The following ANK1 variants were observed in gnomAD, a reference collection of about 807,000 sequenced individuals.
The protein encoded by ANK1 is ankyrin-1.
Under a neutral mutation model 210.4 loss-of-function variants are expected in ANK1, and 51 were observed. That is an observed-to-expected ratio of 0.24 (90% CI 0.19 to 0.31). The LOEUF is 0.31. Ranked by LOEUF, ANK1 falls within the 10% of genes least tolerant of loss-of-function variation. The pLI is 1.00. For missense variants in ANK1, 2,051 were observed against 2,504.4 expected (o/e 0.82, Z 3.86); for synonymous variants, 967 against 1,025.9 (o/e 0.94, Z 1.10).
chr8:41,746,275 A>C (rs961367284), intron 2 of ANK1, among the ~76,000 whole-genome samples: 2 of 152,148 alleles, frequency 1.3e-5, no homozygotes, highest in Non-Finnish European at 2.9e-5. Context: ...GAATCTAAGG[A>C]ATCAGAAGCC....
At chr8:41,679,390 A>T (rs778529292) in intron 37 of ANK1, among the ~76,000 whole-genome samples, 11 of 151,994 alleles carry the variant, frequency 7.2e-5, no homozygotes, top group Non-Finnish European at 1.6e-4. Context: ...TTGTGAGATG[A>T]GATCCTTCTT....
intron 1 of ANK1, among the ~76,000 whole-genome samples, chr8:41,878,123 C>T (rs1031547236): frequency 6.6e-6 from 1 of 152,224 alleles, no homozygotes; most frequent in Non-Finnish European, 1.5e-5. Context: ...ACCCATTATG[C>T]GACTTACCAA....
At chr8:41,736,554 G>A (rs1377939763) in intron 2 of ANK1, among the ~76,000 whole-genome samples, 1 of 152,214 alleles carries the variant, frequency 6.6e-6, no homozygotes, top group Non-Finnish European at 1.5e-5. Flanking sequence ...GCTGCTGGCC[G>A]CTTACTGCGG....
chr8:41,823,855 A>G (rs548619952), intron 1 of ANK1, among the ~76,000 whole-genome samples: 1 of 152,300 alleles, frequency 6.6e-6, no homozygotes, highest in African/African-American at 2.4e-5. Flanking sequence ...TCCTAACCCA[A>G]TATTATTAAC....
At chr8:41,822,897 T>C (rs1804722428) in intron 1 of ANK1, among the ~76,000 whole-genome samples, 1 of 152,206 alleles carries the variant, frequency 6.6e-6, no homozygotes, top group East Asian at 1.9e-4. Context: ...ATGTCAGCCC[T>C]GTTTTATCCC....
At position 41,797,526 on chromosome 8, in the gene ANK1, C is replaced by T; in HGVS notation, c.13G>A (p.Val5Met). The change falls in exon 1 of 43, where the codon GTG becomes ATG. Residue 5 changes from valine to methionine, a missense_variant. This residue lies in a region of ANK1 where 21 missense variants were observed against 18.7 expected (regional missense o/e 1.12). Transcript: ENST00000289734. This position sits in a 1 kb window ranked among gnomAD's most constrained non-coding sequence, Gnocchi z 4.0. MPYS[V>M]GFREADAATS... Reference sequence around the variant, plus strand: ...CCAGTACTCACTTCGCGGAAGCCCACAGAATAGGGCATGCCGGTCTTTCAG... The same window carrying T: ...CCAGTACTCACTTCGCGGAAGCCCATAGAATAGGGCATGCCGGTCTTTCAG... The T allele has an allele frequency of 6.2e-7, 1 of 1,613,822 alleles. No individual in the cohort carries two copies. The highest frequency in any genetic ancestry group is 2.2e-5 in the East Asian group (1 of 44,862).
rs369508374 is a variant in ANK1 at position 41,665,610 on chromosome 8, G to A, written c.5395-1868C>T. 711 of 276,850 alleles carry A rather than the reference G, an allele frequency of 2.6e-3. 7 individuals are homozygous for A. The highest frequency in any genetic ancestry group is 0.018 in the South Asian group (505 of 27,362). 17.1% of individuals were successfully genotyped at this position (276,850 alleles called of 1,614,324 possible). A position where few individuals can be genotyped will look rare whatever the true frequency, so the allele number is the denominator to read the frequency against. Reference sequence around the variant, plus strand: ...CTGCTACTGCGGTGATCCAAATGCTGTTCCCCGGCATGGTAGGGATGAGAC... The same window carrying A: ...CTGCTACTGCGGTGATCCAAATGCTATTCCCCGGCATGGTAGGGATGAGAC... On this transcript the variant is annotated intron_variant, in intron 39 of 42. Transcript: ENST00000289734.
rs747120612 is a variant in ANK1 at position 41,719,791 on chromosome 8, T to A, written c.977A>T (p.Gln326Leu). The A allele has an allele frequency of 6.2e-7, 1 of 1,614,088 alleles. No homozygotes were observed. Among genetic ancestry groups the A allele is most frequent in the Non-Finnish European group, 8.5e-7 (1 of 1,179,996 alleles). Reference sequence around the variant, plus strand: ...GATGTCGTCTATCTCTGCGTCGTATTGCAACAGGAGCCGGACACAGTCGAG... The same window carrying A: ...GATGTCGTCTATCTCTGCGTCGTATAGCAACAGGAGCCGGACACAGTCGAG... ...DHLDCVRLLL[Q>L]YDAEIDDITL... The change falls in exon 10 of 43, where the codon CAA becomes CTA. Residue 326 changes from glutamine (Q) to leucine (L), a missense_variant. Coordinates refer to ENST00000289734, the MANE Select transcript of ANK1 (RefSeq NM_000037.4).
At chr8:41,700,433 A>G (rs1822445439) in intron 22 of ANK1, 1 of 1,613,736 alleles carries the variant, frequency 6.2e-7, no homozygotes, top group Non-Finnish European at 8.5e-7. Flanking sequence ...TTTCATACCC[A>G]TTATAGTTAT....
At chr8:41,663,977 CT>C (rs1809468125) in intron 39 of ANK1, 5 of 639,018 alleles carry the variant, frequency 7.8e-6, no homozygotes, top group Non-Finnish European at 1.4e-5. Context: ...CAATTGTGCA[CT>C]TGGCCCTCAC....
chr8:41,757,611 C>T (rs1839458130), intron 2 of ANK1, among the ~76,000 whole-genome samples: 2 of 152,230 alleles, frequency 1.3e-5, no homozygotes, highest in Admixed American at 6.5e-5. Context: ...CTAACACAAG[C>T]GGGGCCTCGT....
chr8:41,769,231 G>A (rs2150731240), intron 1 of ANK1, among the ~76,000 whole-genome samples: 1 of 152,356 alleles, frequency 6.6e-6, no homozygotes, highest in East Asian at 1.9e-4. Context: ...CAGCACTGGG[G>A]CTGAACTTGA....
intron 1 of ANK1, among the ~76,000 whole-genome samples, chr8:41,762,440 C>G (rs930188593): frequency 1.9e-4 from 29 of 152,174 alleles, no homozygotes; most frequent in African/African-American, 6.8e-4. Flanking sequence ...GTCTCCCCAG[C>G]CAAACTGTTT....
intron 1 of ANK1, among the ~76,000 whole-genome samples, chr8:41,888,373 A>G (rs981730629): frequency 6.6e-6 from 1 of 152,226 alleles, no homozygotes; most frequent in Non-Finnish European, 1.5e-5. Context: ...GATACCGCAC[A>G]TTGGAAACTA....
At chr8:41,690,706 A>T in intron 31 of ANK1, 107 bp from the exon 32 acceptor site, 5 of 1,497,268 alleles carry the variant, frequency 3.3e-6, no homozygotes, top group Non-Finnish European at 4.6e-6. Context: ...TGCCTCAGCA[A>T]GAGGCATGCG....
intron 1 of ANK1, among the ~76,000 whole-genome samples, chr8:41,888,254 T>C (rs1218355736): frequency 6.6e-6 from 1 of 152,162 alleles, no homozygotes; most frequent in Non-Finnish European, 1.5e-5. Flanking sequence ...TCAGTGGAAG[T>C]CATCAACTAA....
chr8:41,754,648 G>A (rs890859325), intron 2 of ANK1, among the ~76,000 whole-genome samples: 6 of 152,206 alleles, frequency 3.9e-5, no homozygotes, highest in Admixed American at 2.0e-4. Context: ...GCTTTTATGC[G>A]TGTTTTAAAG....
chr8:41,825,733 G>A (rs559251063), intron 1 of ANK1, among the ~76,000 whole-genome samples: 18 of 152,300 alleles, frequency 1.2e-4, no homozygotes, highest in African/African-American at 2.6e-4. Context: ...GGAGGGACCC[G>A]GTGGGAGGTA....
At chr8:41,797,706 A>C, upstream of ANK1, 3 of 1,093,908 alleles carry the variant, frequency 2.7e-6, no homozygotes, top group Non-Finnish European at 3.7e-6. The surrounding 1 kb of genome is among the most constrained non-coding windows in gnomAD (Gnocchi z 4.0). Flanking sequence ...CGCTCCCGGC[A>C]CGGGCGGGCG....
Sources: gnomAD v4.1 joint callset for allele counts (sites outside exome capture counted in the v4.1 genomes callset) on GRCh38, gnomAD v4.1.1 for gene constraint, gnomAD v4.1.1 regional missense constraint, Gnocchi (gnomAD v3.1) non-coding constraint, MANE v1.5 for transcripts, NCBI Gene and HGNC (gene_info 2026-07-23, HGNC 2026-07-21) for gene names.